UTY: variants seen among roughly 807,000 people sequenced by gnomAD.
UTY encodes ubiquitously transcribed tetratricopeptide repeat containing, Y-linked, also known as histone demethylase UTY.
Under a neutral mutation model 32.5 loss-of-function variants are expected in UTY, and 12 were observed. That is an observed-to-expected ratio of 0.37 (90% CI 0.24 to 0.60). The LOEUF (loss-of-function observed/expected upper bound fraction) is 0.60, where lower values mean the gene tolerates loss of function less well. UTY is among the 20% of genes least tolerant of loss of function. The pLI, the probability that UTY is intolerant of heterozygous loss-of-function variation, is 0.69. For missense variants in UTY, 303 were observed against 299.2 expected (o/e 1.01, Z -0.09); for synonymous variants, 131 against 103.4 (o/e 1.27, Z -1.62).
At chrY:13,433,722 C>A in intron 4 of UTY, among the ~76,000 whole-genome samples, 1 of 33,698 alleles carries the variant, frequency 3.0e-5, no homozygotes, top group Non-Finnish European at 7.4e-5. Context: ...AAATCTACAT[C>A]AAACAAATAG....
intron 28 of UTY, among the ~76,000 whole-genome samples, chrY:13,254,172 C>T (rs1042293545): frequency 3.0e-5 from 1 of 33,111 alleles, no homozygotes; most frequent in South Asian, 7.0e-4. Context: ...AGGGAAAGCA[C>T]ATTTAGTTGA....
chrY:13,339,092 G>A, intron 17 of UTY, among the ~76,000 whole-genome samples: 1 of 34,409 alleles, frequency 2.9e-5, no homozygotes, highest in East Asian at 7.6e-4. Context: ...TTTAAAGGTA[G>A]GAAAAACCCT....
intron 27 of UTY, among the ~76,000 whole-genome samples, chrY:13,263,523 T>A (rs2055464087): frequency 2.9e-5 from 1 of 34,116 alleles, no homozygotes; most frequent in Non-Finnish European, 7.3e-5. Flanking sequence ...CTGTCTGCTT[T>A]GGCTAATCCT....
At chrY:13,452,964 C>T (rs747512767) in intron 3 of UTY, among the ~76,000 whole-genome samples, 1 of 33,894 alleles carries the variant, frequency 3.0e-5, no homozygotes, top group African/African-American at 1.2e-4. Context: ...AAAGGCATTG[C>T]TCCAGAGAGA....
intron 4 of UTY, among the ~76,000 whole-genome samples, chrY:13,438,923 T>G: frequency 6.1e-5 from 2 of 32,873 alleles, no homozygotes; most frequent in Admixed American, 5.6e-4. Context: ...AAAGGGAGGA[T>G]AGTTAATATC....
intron 6 of UTY, among the ~76,000 whole-genome samples, chrY:13,406,301 A>G: frequency 3.0e-5 from 1 of 33,171 alleles, no homozygotes; most frequent in Admixed American, 2.8e-4. Flanking sequence ...ATAAGAACCA[A>G]TTAGGCACCC....
intron 17 of UTY, among the ~76,000 whole-genome samples, chrY:13,340,045 T>C (rs2061386363): frequency 3.0e-5 from 1 of 33,322 alleles, no homozygotes; most frequent in Non-Finnish European, 7.4e-5. Flanking sequence ...GTGAGATAGA[T>C]TGGCCGTCTT....
At chrY:13,365,535 T>C in intron 10 of UTY, among the ~76,000 whole-genome samples, 1 of 32,275 alleles carries the variant, frequency 3.1e-5, no homozygotes, top group African/African-American at 1.2e-4. Flanking sequence ...AACTTTTTAT[T>C]TTCTAAGCAC....
chrY:13,355,735 CTGAGTA>C (rs2062830004), intron 16 of UTY, 182 bp downstream of exon 16: 1 of 324,383 alleles, frequency 3.1e-6, no homozygotes, highest in African/African-American at 7.0e-5. Context: ...CTAAGTTAAT[CTGAGTA>C]TATTTCCTTT....
intron 21 of UTY, among the ~76,000 whole-genome samples, chrY:13,310,135 G>A (rs2058938136): frequency 3.9e-5 from 1 of 25,964 alleles, no homozygotes. Flanking sequence ...AGAATCGCTA[G>A]AACCTGGGAG....
chrY:13,429,823 T>A, intron 4 of UTY, among the ~76,000 whole-genome samples: 1 of 32,700 alleles, frequency 3.1e-5, no homozygotes, highest in Non-Finnish European at 7.5e-5. Context: ...TAACCATTTT[T>A]CCCGCCAAAT....
At chrY:13,260,991 A>T in intron 27 of UTY, among the ~76,000 whole-genome samples, 6 of 33,741 alleles carry the variant, frequency 1.8e-4, no homozygotes, top group Non-Finnish European at 1.5e-4. Context: ...CTTATAATTT[A>T]TACCTTTCCT....
chrY:13,429,630 A>C, intron 4 of UTY, among the ~76,000 whole-genome samples: 1 of 32,573 alleles, frequency 3.1e-5, no homozygotes, highest in African/African-American at 1.2e-4. Context: ...ACTTCCTCAT[A>C]AAGCAACCTT....
At chrY:13,395,865 T>C (rs2068101954) in intron 7 of UTY, among the ~76,000 whole-genome samples, 1 of 28,660 alleles carries the variant, frequency 3.5e-5, no homozygotes, top group East Asian at 9.0e-4. Flanking sequence ...TACAACATCA[T>C]CTTTTGTGGG....
intron 8 of UTY, among the ~76,000 whole-genome samples, chrY:13,373,357 A>C (rs995004332): frequency 2.9e-5 from 1 of 34,031 alleles, no homozygotes; most frequent in Non-Finnish European, 7.3e-5. Context: ...CACGAGCTGA[A>C]GTCAGAAGAA....
At chrY:13,278,261 T>G (rs2056810487) in intron 27 of UTY, among the ~76,000 whole-genome samples, 1 of 33,740 alleles carries the variant, frequency 3.0e-5, no homozygotes, top group African/African-American at 1.2e-4. Flanking sequence ...TTTGTCACAA[T>G]CCTTAGCTGA....
rs770480136 is a variant in UTY, at chrY:13,287,974, G to A, written c.4010+9733C>T. Among the ~76,000 whole-genome samples, 5 of 32,734 alleles carry A rather than the reference G, an allele frequency of 1.5e-4. No homozygotes were observed. In the East Asian group the frequency reaches 2.4e-3, roughly 16 times the overall value. The allele number at this position is 32,734 out of a possible 37,273, so 87.8% of individuals were successfully genotyped here. On this transcript the variant is annotated intron_variant, in intron 27 of 29. Coordinates refer to ENST00000545955, the MANE Select transcript of UTY (RefSeq NM_001258249.2). ...TTTCTATGATAAACTAAATGTGCCC[G>A]TACCAGAGACTCCAAGAAAAACCAG...
At chrY:13,251,997 G>A in intron 28 of UTY, among the ~76,000 whole-genome samples, 2 of 29,234 alleles carry the variant, frequency 6.8e-5, no homozygotes, top group Non-Finnish European at 1.6e-4. Context: ...CGGCTAAAAC[G>A]GTGAAACCCC....
In UTY at chrY:13,354,789, A is replaced by T; in HGVS notation, c.2061+214T>A. The T allele has an allele frequency of 1.0e-5, 3 of 294,104 alleles. No homozygotes were observed. In the South Asian group the frequency reaches 1.1e-4, roughly 11 times the overall value. The allele number at this position is 294,104 out of a possible 400,897, so 73.4% of individuals were successfully genotyped here. ...TTGGCTTTATTATGATACTCACTTT[A>T]TTGCAGTTGTCTTGTATGAAACCTG... On this transcript the variant is annotated intron_variant, in intron 17 of 29. Transcript: ENST00000545955.
Sources: allele counts gnomAD v4.1 joint callset (sites outside exome capture counted in the v4.1 genomes callset), GRCh38; gene constraint gnomAD v4.1.1; transcripts MANE v1.5; gene names NCBI Gene and HGNC (gene_info 2026-07-23, HGNC 2026-07-21).